CMTM8: variants seen among roughly 807,000 people sequenced by gnomAD.
The protein encoded by CMTM8 is CKLF-like MARVEL transmembrane domain-containing protein 8.
In CMTM8, 12 loss-of-function variants were observed where a neutral mutation model predicts 18.6. That is an observed-to-expected ratio of 0.65 (90% confidence interval 0.41 to 1.05). The LOEUF is 1.05. CMTM8 is among the 50% of genes least tolerant of loss of function. The pLI, the probability that CMTM8 is intolerant of heterozygous loss-of-function variation, is 0.00. For missense variants in CMTM8, 217 were observed against 227.2 expected, an observed-to-expected ratio of 0.95 and a Z score of 0.29; for synonymous variants, 87 against 90.6, an observed-to-expected ratio of 0.96 and a Z score of 0.23.
At chr3:32,266,067 C>G (rs940378380) in intron 1 of CMTM8, among the ~76,000 whole-genome samples, 51 of 151,596 alleles carry the variant, frequency 3.4e-4, no homozygotes, top group Non-Finnish European at 4.7e-4. Flanking sequence ...CTATTCCAAT[C>G]AATAGAAAAA....
At chr3:32,306,142 G>GA (rs1245380112) in intron 1 of CMTM8, among the ~76,000 whole-genome samples, 2 of 152,210 alleles carry the variant, frequency 1.3e-5, no homozygotes, top group African/African-American at 4.8e-5. Flanking sequence ...TGGGTCTGCT[G>GA]ATCTCAGCTG....
At chr3:32,295,630 G>A (rs1026459656) in intron 1 of CMTM8, among the ~76,000 whole-genome samples, 2 of 152,042 alleles carry the variant, frequency 1.3e-5, no homozygotes, top group Admixed American at 6.6e-5. Context: ...GGAACTGTAA[G>A]TTCCTTGGGG....
At chr3:32,283,809 C>T (rs1051771199) in intron 1 of CMTM8, among the ~76,000 whole-genome samples, 3 of 152,088 alleles carry the variant, frequency 2.0e-5, no homozygotes, top group African/African-American at 7.2e-5. Context: ...CAGATGTGCT[C>T]GTAGTTTATG....
chr3:32,320,469 G>T (rs1326549149), intron 1 of CMTM8, among the ~76,000 whole-genome samples: 1 of 152,196 alleles, frequency 6.6e-6, no homozygotes, highest in Non-Finnish European at 1.5e-5. Flanking sequence ...TTGGCCTGAG[G>T]GTGGTAGGGG....
chr3:32,325,301 A>G (rs1575177308), intron 1 of CMTM8, among the ~76,000 whole-genome samples: 1 of 152,290 alleles, frequency 6.6e-6, no homozygotes, highest in Admixed American at 6.5e-5. Flanking sequence ...CTTCTGTGCA[A>G]CTCAGTTACA....
chr3:32,362,720 A>G (rs73069482), intron 2 of CMTM8, among the ~76,000 whole-genome samples: 9,642 of 152,176 alleles, frequency 0.063, 429 homozygotes, highest in East Asian at 0.14. Context: ...GTTATTGTAA[A>G]TCTTCCAAAA....
At chr3:32,297,491 T>A (rs1394764370) in intron 1 of CMTM8, among the ~76,000 whole-genome samples, 1 of 148,438 alleles carries the variant, frequency 6.7e-6, no homozygotes, top group Non-Finnish European at 1.5e-5. Context: ...GTACCTAAAC[T>A]TTTGATGAGG....
At chr3:32,326,828 T>C (rs1184599924) in intron 1 of CMTM8, among the ~76,000 whole-genome samples, 1 of 152,318 alleles carries the variant, frequency 6.6e-6, no homozygotes, top group South Asian at 2.1e-4. Flanking sequence ...TCTGGTCTTT[T>C]TGAGGCAGTG....
chr3:32,279,265 T>A (rs997407391), intron 1 of CMTM8, among the ~76,000 whole-genome samples: 1 of 147,092 alleles, frequency 6.8e-6, no homozygotes. Context: ...GCCATGCTGG[T>A]GCGCTGCACC....
chr3:32,342,285 T>C (rs1260483774), intron 1 of CMTM8, among the ~76,000 whole-genome samples: 1 of 152,142 alleles, frequency 6.6e-6, no homozygotes, highest in Admixed American at 6.5e-5. Context: ...TTTAGGGGGC[T>C]AGCTGTGTGG....
chr3:32,327,502 T>G (rs1696185297), intron 1 of CMTM8, among the ~76,000 whole-genome samples: 1 of 152,234 alleles, frequency 6.6e-6, no homozygotes, highest in South Asian at 2.1e-4. Context: ...TTTGATTGCC[T>G]GAAGGTTTTG....
intron 1 of CMTM8, among the ~76,000 whole-genome samples, chr3:32,266,403 A>G (rs1396724101): frequency 1.3e-5 from 2 of 152,234 alleles, no homozygotes; most frequent in Non-Finnish European, 2.9e-5. Flanking sequence ...AAAATTCAAC[A>G]GCCCTTCATG....
At chr3:32,266,922 T>C (rs975816439) in intron 1 of CMTM8, among the ~76,000 whole-genome samples, 3 of 152,164 alleles carry the variant, frequency 2.0e-5, no homozygotes, top group Admixed American at 2.0e-4. Context: ...CAAGGAGAAC[T>C]GCAAACCACT....
chr3:32,249,292 C>T (rs1434542198), intron 1 of CMTM8, among the ~76,000 whole-genome samples: 6 of 151,448 alleles, frequency 4.0e-5, no homozygotes, highest in East Asian at 1.9e-4. Context: ...TAGCTGGGCA[C>T]GGTGGTGTGT....
chr3:32,247,160 T>C (rs1470822248), intron 1 of CMTM8, among the ~76,000 whole-genome samples: 4 of 152,176 alleles, frequency 2.6e-5, no homozygotes, highest in African/African-American at 9.7e-5. Context: ...CCACATTGTT[T>C]AGTGTAGAGT....
At chr3:32,334,191 T>A (rs1014139383) in intron 1 of CMTM8, among the ~76,000 whole-genome samples, 3 of 151,774 alleles carry the variant, frequency 2.0e-5, no homozygotes, top group Non-Finnish European at 2.9e-5. Flanking sequence ...TTGGCCAGGC[T>A]GGTCTCAAAC....
chr3:32,258,428 A>G (rs563845972), intron 1 of CMTM8, among the ~76,000 whole-genome samples: 1 of 152,192 alleles, frequency 6.6e-6, no homozygotes, highest in Non-Finnish European at 1.5e-5. Flanking sequence ...GAACATATAT[A>G]AGGAATAATG....
At chr3:32,325,273 G>A (rs1459040960) in intron 1 of CMTM8, among the ~76,000 whole-genome samples, 1 of 152,196 alleles carries the variant, frequency 6.6e-6, no homozygotes, top group Non-Finnish European at 1.5e-5. Flanking sequence ...TTTAAATTGT[G>A]AAATAGACCA....
chr3:32,252,147 A>C (rs561119328), intron 1 of CMTM8, among the ~76,000 whole-genome samples: 2 of 152,206 alleles, frequency 1.3e-5, no homozygotes, highest in African/African-American at 4.8e-5. Flanking sequence ...TTTTGTGTGT[A>C]TAATGTAAGA....
Sources: allele counts gnomAD v4.1 joint callset (sites outside exome capture counted in the v4.1 genomes callset), GRCh38; gene constraint gnomAD v4.1.1; transcripts MANE v1.5; gene names NCBI Gene and HGNC (gene_info 2026-07-23, HGNC 2026-07-21).